Variants in PKNOX1 observed in about 807,000 individuals in gnomAD.
PKNOX1 encodes homeobox protein PKNOX1.
A neutral mutation model predicts 51.9 loss-of-function variants in PKNOX1; 15 were observed. That is an observed-to-expected ratio of 0.29 (90% confidence interval 0.19 to 0.45). The LOEUF (loss-of-function observed/expected upper bound fraction) is 0.45. PKNOX1 is among the 20% of genes least tolerant of loss of function. The pLI, the probability that PKNOX1 is intolerant of heterozygous loss-of-function variation, is 1.00. For synonymous variants in PKNOX1, 219 were observed against 211.1 expected (o/e 1.04, Z -0.32); for missense variants, 462 against 547.5 (o/e 0.84, Z 1.56).
intron 6 of PKNOX1, chr21:43,017,494 A>G (rs943778368): frequency 6.5e-6 from 1 of 152,974 alleles, no homozygotes; most frequent in African/African-American, 2.4e-5. Flanking sequence ...CACGGCAAAG[A>G]GGGAGGGGTA....
intron 3 of PKNOX1, among the ~76,000 whole-genome samples, chr21:43,009,756 A>G (rs1404059777): frequency 6.6e-6 from 1 of 152,214 alleles, no homozygotes; most frequent in Non-Finnish European, 1.5e-5. Context: ...TAGGAGAGGC[A>G]AATATATAGA....
At chr21:42,993,328 C>G (rs551131666) in intron 1 of PKNOX1, among the ~76,000 whole-genome samples, 2 of 152,224 alleles carry the variant, frequency 1.3e-5, no homozygotes, top group African/African-American at 4.8e-5. Flanking sequence ...TCCACAGGGC[C>G]TACATCAACA....
In PKNOX1 at chr21:43,030,109, A is replaced by G. The variant is rs1980190666; in HGVS notation, c.*8A>G. On this transcript the variant is annotated 3_prime_UTR_variant, in exon 11 of 11. Transcript: ENST00000291547. The stretch of plus-strand genomic sequence containing the variant: ...AGTGACTCCCTGCAGTAGGGGCAGG[A>G]GCAGACGCACCTGACTTTTTGGAGT... 6.4e-7 allele frequency: 1 copy of G among 1,573,158 alleles called. No homozygotes were observed. Among genetic ancestry groups the G allele is most frequent in the South Asian group, 1.1e-5 (1 of 87,878 alleles).
At chr21:42,993,649 T>C (rs1183997836) in intron 1 of PKNOX1, among the ~76,000 whole-genome samples, 1 of 22,040 alleles carries the variant, frequency 4.5e-5, no homozygotes, top group African/African-American at 1.9e-4. Flanking sequence ...TTACCCACTT[T>C]GTTTTTTTTG....
At chr21:42,987,404 A>AAAAAAAAAATATATATATATAT in intron 1 of PKNOX1, among the ~76,000 whole-genome samples, 4 of 41,408 alleles carry the variant, frequency 9.7e-5, no homozygotes, top group Non-Finnish European at 1.4e-4. Flanking sequence ...AAAAAAAAAA[A>AAAAAAAAAATATATATATATAT]ATATATATAT....
chr21:43,014,321 G>T (rs941936568), intron 5 of PKNOX1, among the ~76,000 whole-genome samples: 3 of 151,424 alleles, frequency 2.0e-5, no homozygotes, highest in Admixed American at 6.6e-5. Flanking sequence ...ACGCCTGGCC[G>T]TCTTTTGCGC....
chr21:42,990,401 G>A (rs2059080692), intron 1 of PKNOX1, among the ~76,000 whole-genome samples: 1 of 152,168 alleles, frequency 6.6e-6, no homozygotes, highest in Non-Finnish European at 1.5e-5. Context: ...AAAAAGTGAG[G>A]CTCAGAACTG....
At chr21:42,998,100 A>G (rs547035643) in intron 1 of PKNOX1, among the ~76,000 whole-genome samples, 1 of 152,304 alleles carries the variant, frequency 6.6e-6, no homozygotes, top group East Asian at 1.9e-4. Context: ...TACAAAAGAA[A>G]GAGGTTTAAT....
chr21:43,002,341 A>G (rs1327777563), intron 1 of PKNOX1, among the ~76,000 whole-genome samples: 4 of 151,956 alleles, frequency 2.6e-5, no homozygotes, highest in Non-Finnish European at 5.9e-5. Flanking sequence ...AGCTGCTCCC[A>G]TTGACTGTGG....
chr21:42,981,633 C>G (rs1480069163), intron 1 of PKNOX1, among the ~76,000 whole-genome samples: 1 of 152,124 alleles, frequency 6.6e-6, no homozygotes, highest in Non-Finnish European at 1.5e-5. Context: ...GATCTCGGCC[C>G]ACTGCAGCCG....
rs538379981 is a variant in PKNOX1, at chr21:42,980,638, A to T, written c.-57+5974A>T. On this transcript the variant is annotated intron_variant, in intron 1 of 10. Coordinates refer to ENST00000291547, the MANE Select transcript of PKNOX1 (RefSeq NM_004571.5). Reference sequence around the variant, plus strand: ...AAGGAAATAAATAGATGAAGAAGAGAACAAATTATTTTGAAATACAGTTAT... The same window carrying T: ...AAGGAAATAAATAGATGAAGAAGAGTACAAATTATTTTGAAATACAGTTAT... Among the ~76,000 whole-genome samples, 4 of 152,296 alleles carry T rather than the reference A, an allele frequency of 2.6e-5. No individual in the cohort carries two copies. The South Asian group carries it at 8.3e-4, about 32-fold the overall frequency.
At chr21:43,027,804 T>C (rs894039185) in intron 9 of PKNOX1, among the ~76,000 whole-genome samples, 125 of 152,280 alleles carry the variant, frequency 8.2e-4, no homozygotes, top group Non-Finnish European at 1.9e-4. Flanking sequence ...TAGTCCCACC[T>C]ACTCAGGAGG....
intron 1 of PKNOX1, among the ~76,000 whole-genome samples, chr21:42,989,691 T>C (rs2059075630): frequency 1.3e-5 from 2 of 152,254 alleles, no homozygotes; most frequent in East Asian, 3.9e-4. Context: ...AATGCTAGGA[T>C]TACAGTCGTG....
chr21:43,010,136 G>C lies in PKNOX1; in HGVS notation c.263G>C (p.Ser88Thr). 3.7e-6 allele frequency: 6 copies of C among 1,606,550 alleles called. No individual in the cohort carries two copies. Among genetic ancestry groups the C allele is most frequent in the Non-Finnish European group, 5.1e-6 (6 of 1,175,648 alleles). ...TQGSEGTTSA[S>T]FDVDIENFVR... ...GGCTCTGAAGGCACAACTTCTGCCA[G>C]TTTTGATGTAGACATCGAAAATTTT... is the stretch of plus-strand genomic sequence containing the variant. Residue 88 changes from serine to threonine, a missense_variant, in exon 4 of 11, where the codon AGT becomes ACT. By Grantham distance (58) the Ser-to-Thr change is moderately conservative. This residue lies in a region of PKNOX1 where 129 missense variants were observed against 133.4 expected (regional missense o/e 0.97). Transcript: ENST00000291547.
chr21:43,007,860 T>C lies in PKNOX1; in HGVS notation c.179+242T>C, dbSNP rs1979066595. 5 of 375,648 alleles carry C rather than the reference T, an allele frequency of 1.3e-5. No homozygotes were observed. In the Admixed American group the frequency reaches 2.1e-4, roughly 16 times the overall value. 23.3% of individuals were successfully genotyped at this position (375,648 alleles called of 1,614,324 possible). On this transcript the variant is annotated intron_variant, in intron 3 of 10. Transcript: ENST00000291547. The stretch of plus-strand genomic sequence containing the variant: ...GGGCGGATCACTTGAGGTTAAGAGT[T>C]TGAGACCAGCCTGGCCAACATGGTG...
chr21:43,009,274 C>G lies in PKNOX1; in HGVS notation c.180-779C>G, dbSNP rs1601291126. On this transcript the variant is annotated intron_variant, in intron 3 of 10. Coordinates refer to ENST00000291547, the MANE Select transcript of PKNOX1 (RefSeq NM_004571.5). The stretch of plus-strand genomic sequence containing the variant: ...ACCATCCTGACCAACGTGGAGAAAC[C>G]CTGTCTCTAAAGATACAAAATTAGC... Among the ~76,000 whole-genome samples, 7 of 28,372 alleles carry G rather than the reference C, an allele frequency of 2.5e-4. 1 individual carries two copies. Among genetic ancestry groups the G allele is most frequent in the African/African-American group, 1.1e-3 (7 of 6,560 alleles). The allele number at this position is 28,372 out of a possible 152,430, so 18.6% of individuals were successfully genotyped here.
intron 1 of PKNOX1, among the ~76,000 whole-genome samples, chr21:43,002,160 C>T (rs746345432): frequency 7.2e-5 from 11 of 152,118 alleles, no homozygotes; most frequent in East Asian, 3.9e-4. Context: ...TCCAGTTAGA[C>T]GTGTCTTTTT....
At position 43,004,349 on chromosome 21, in the gene PKNOX1, AT is replaced by A. The variant is rs1247856274; in HGVS notation, c.-32del. 6.8e-7 allele frequency: 1 copy of A among 1,479,916 alleles called. No homozygotes were observed. The highest frequency in any genetic ancestry group is 9.5e-7 in the Non-Finnish European group (1 of 1,057,994). The allele number at this position is 1,479,916 out of a possible 1,614,324, so 91.7% of individuals were successfully genotyped here. ...AGACACCATTCGCTTTTCACCCAAG[AT>A]GATTTGATGTCTTATAAAACTCTGA... On this transcript the variant is annotated 5_prime_UTR_variant, in exon 2 of 11. The change abolishes an upstream ATG in the 5' untranslated region. Transcript: ENST00000291547.
intron 1 of PKNOX1, among the ~76,000 whole-genome samples, chr21:43,002,374 C>T (rs1030188763): frequency 9.9e-5 from 15 of 152,022 alleles, no homozygotes; most frequent in African/African-American, 2.2e-4. Context: ...ACCCATTGAC[C>T]GTACCTCCTC....
Sources: allele counts gnomAD v4.1 joint callset (sites outside exome capture counted in the v4.1 genomes callset), GRCh38; gene constraint gnomAD v4.1.1; regional missense constraint gnomAD v4.1.1; transcripts MANE v1.5; gene names NCBI Gene and HGNC (gene_info 2026-07-23, HGNC 2026-07-21).